TNKS: variants seen among roughly 807,000 people sequenced by gnomAD.
TNKS encodes the protein poly [ADP-ribose] polymerase tankyrase-1.
Under a neutral mutation model 135.8 loss-of-function variants are expected in TNKS, and 72 were observed. The ratio of observed to expected loss-of-function variants is 0.53; its 90% CI spans 0.44 to 0.64. TNKS has a LOEUF of 0.64. Among genes scored for constraint, TNKS ranks in the 30% least tolerant of loss-of-function variants. The probability of loss-of-function intolerance (pLI) is 0.00; values close to 1 mark genes in which losing one functional copy is unlikely to be tolerated. For synonymous variants in TNKS, 849 were observed against 649.3 expected (o/e 1.31, Z -4.68); for missense variants, 1,769 against 1,674.0 (o/e 1.06, Z -0.99).
chr8:9,660,176 C>T (rs1015689073), intron 3 of TNKS, among the ~76,000 whole-genome samples: 2 of 152,212 alleles, frequency 1.3e-5, no homozygotes, highest in African/African-American at 4.8e-5. Context: ...GAGCTGGTAC[C>T]ATTCCTTCTG....
intron 20 of TNKS, among the ~76,000 whole-genome samples, chr8:9,760,046 A>T (rs1050102098): frequency 1.4e-4 from 22 of 152,104 alleles, no homozygotes; most frequent in African/African-American, 5.3e-4. Context: ...TACCACATAG[A>T]TATGAGACCC....
At chr8:9,577,865 G>C (rs1798013107) in intron 1 of TNKS, among the ~76,000 whole-genome samples, 1 of 152,150 alleles carries the variant, frequency 6.6e-6, no homozygotes, top group Non-Finnish European at 1.5e-5. Context: ...AGCAAAGCAA[G>C]TCCCTTCTGC....
At chr8:9,768,523 A>G (rs1019553127) in intron 25 of TNKS, among the ~76,000 whole-genome samples, 1 of 152,212 alleles carries the variant, frequency 6.6e-6, no homozygotes, top group African/African-American at 2.4e-5. Context: ...ATGCACCACA[A>G]TGCACCAGAC....
intron 3 of TNKS, among the ~76,000 whole-genome samples, chr8:9,658,140 G>T (rs533227285): frequency 1.8e-5 from 2 of 110,342 alleles, no homozygotes; most frequent in African/African-American, 7.2e-5. Context: ...GGGCGGAGAC[G>T]CTCCTCACTT....
chr8:9,673,992 T>C (rs1802424005), intron 3 of TNKS, among the ~76,000 whole-genome samples: 2 of 152,246 alleles, frequency 1.3e-5, no homozygotes, highest in Admixed American at 6.5e-5. Context: ...AGTTTAGAAT[T>C]GTTAACCAAG....
chr8:9,770,392 A>G (rs1416241260), intron 26 of TNKS, 130 bp downstream of exon 26: 1 of 999,890 alleles, frequency 1.0e-6, no homozygotes, highest in Non-Finnish European at 1.4e-6. Flanking sequence ...ATTACTTCAG[A>G]TACAAAATAA....
chr8:9,645,510 T>C (rs1382316560), intron 3 of TNKS, among the ~76,000 whole-genome samples: 1 of 152,178 alleles, frequency 6.6e-6, no homozygotes, highest in Non-Finnish European at 1.5e-5. Flanking sequence ...ACTCTCACTC[T>C]GACGTCTAAA....
At chr8:9,751,370 C>CT (rs568641587) in intron 18 of TNKS, among the ~76,000 whole-genome samples, 47 of 151,886 alleles carry the variant, frequency 3.1e-4, no homozygotes, top group Non-Finnish European at 6.0e-4. Flanking sequence ...ACTGAAAGTG[C>CT]TTTTTTTTAA....
At chr8:9,647,267 G>A (rs961656649) in intron 3 of TNKS, among the ~76,000 whole-genome samples, 1 of 152,070 alleles carries the variant, frequency 6.6e-6, no homozygotes, top group Non-Finnish European at 1.5e-5. Context: ...GCCTCTATTT[G>A]GTATCTGTTT....
intron 2 of TNKS, 167 bp from the exon 3 acceptor site, chr8:9,615,415 G>A: frequency 2.0e-6 from 1 of 500,324 alleles, no homozygotes; most frequent in Non-Finnish European, 3.5e-6. Flanking sequence ...TCACTCTAGA[G>A]AGGCTCCTTT....
intron 2 of TNKS, among the ~76,000 whole-genome samples, chr8:9,589,106 A>G (rs548495240): frequency 2.0e-5 from 3 of 152,320 alleles, no homozygotes; most frequent in Non-Finnish European, 4.4e-5. Context: ...GAACCTATTG[A>G]CATGAGAAAA....
At chr8:9,721,613 A>G (rs910133799) in intron 12 of TNKS, among the ~76,000 whole-genome samples, 1 of 150,360 alleles carries the variant, frequency 6.7e-6, no homozygotes, top group African/African-American at 2.4e-5. Flanking sequence ...TTTTCTACCT[A>G]CAGTCTGGTA....
intron 9 of TNKS, among the ~76,000 whole-genome samples, chr8:9,708,757 G>T (rs982308532): frequency 2.6e-5 from 4 of 151,764 alleles, no homozygotes; most frequent in African/African-American, 9.7e-5. Flanking sequence ...CACTTTTGTG[G>T]CCAGTGCTTT....
chr8:9,563,400 C>G (rs1323250555), intron 1 of TNKS, among the ~76,000 whole-genome samples: 1 of 151,964 alleles, frequency 6.6e-6, no homozygotes, highest in Non-Finnish European at 1.5e-5. Flanking sequence ...GGCTTTGTAG[C>G]CATATGGTCC....
At chr8:9,735,816 T>TA (rs1805673672) in intron 17 of TNKS, among the ~76,000 whole-genome samples, 1 of 151,818 alleles carries the variant, frequency 6.6e-6, no homozygotes, top group Non-Finnish European at 1.5e-5. Flanking sequence ...AATAAATAAA[T>TA]AAATAAAATA....
chr8:9,766,458 A>G (rs372140544), intron 25 of TNKS, 33 bp downstream of exon 25: 115 of 1,216,532 alleles, frequency 9.5e-5, no homozygotes, highest in Non-Finnish European at 1.2e-4. Flanking sequence ...AACGTTTCCC[A>G]CCCCTAGGTC....
intron 2 of TNKS, among the ~76,000 whole-genome samples, chr8:9,597,367 C>T (rs752627917): frequency 2.0e-5 from 3 of 152,158 alleles, no homozygotes; most frequent in African/African-American, 4.8e-5. Flanking sequence ...TGACACAAAG[C>T]GGACACTCAA....
In TNKS at chr8:9,586,722, C is replaced by CGTGTGTGTGT. The variant is rs5889287; in HGVS notation, c.898+6370_898+6379dup. 1.7e-3 allele frequency among the ~76,000 whole-genome samples: 242 copies of CGTGTGTGTGT among 143,288 alleles called. 1 individual carries two copies. The highest frequency in any genetic ancestry group is 5.4e-3 in the African/African-American group (212 of 39,278). The allele number at this position is 143,288 out of a possible 152,430, so 94.0% of individuals were successfully genotyped here. ...TAGTCTATATAATTTATATCTAAAACGTGTGTGTGTGTGTGTGTGTGTGTG... is the reference window on the plus strand; with the variant it reads ...TAGTCTATATAATTTATATCTAAAACGTGTGTGTGTGTGTGTGTGTGTGTGTGTGTGTGTG... On this transcript the variant is annotated intron_variant, in intron 2 of 26. Transcript: ENST00000310430.
At chr8:9,699,502 C>T (rs1803694962) in intron 5 of TNKS, among the ~76,000 whole-genome samples, 3 of 152,072 alleles carry the variant, frequency 2.0e-5, no homozygotes. Context: ...TTGCAGTCTG[C>T]CATTTTCTCA....
Sources: allele counts gnomAD v4.1 joint callset (sites outside exome capture counted in the v4.1 genomes callset), GRCh38; gene constraint gnomAD v4.1.1; transcripts MANE v1.5; gene names NCBI Gene and HGNC (gene_info 2026-07-23, HGNC 2026-07-21).